The following PCDHGB5 variants were observed in gnomAD, a reference collection of about 807,000 sequenced individuals.
The protein encoded by PCDHGB5 is protocadherin gamma-B5.
In PCDHGB5, 48 loss-of-function variants were observed where a neutral mutation model predicts 62.9. The ratio of observed to expected loss-of-function variants is 0.76; its 90% CI spans 0.61 to 0.97. The LOEUF is 0.97. PCDHGB5 is among the 50% of genes least tolerant of loss of function. The probability of loss-of-function intolerance (pLI) is 0.00; values close to 1 mark genes in which losing one functional copy is unlikely to be tolerated. For missense variants in PCDHGB5, 1,118 were observed against 1,198.6 expected, an observed-to-expected ratio of 0.93 and a Z score of 0.99; for synonymous variants, 474 against 511.2, an observed-to-expected ratio of 0.93 and a Z score of 0.98.
chr5:141,430,919 C>T, intron 1 of PCDHGB5: 1 of 1,607,610 alleles, frequency 6.2e-7, no homozygotes, highest in Non-Finnish European at 8.5e-7. Context: ...GGACCTGGGG[C>T]TGGAGCCCCG....
rs1562142740 is a variant in PCDHGB5, at chr5:141,490,958, ACT to A, written c.2398-3847_2398-3846del. 1 of 1,613,728 alleles carries A rather than the reference ACT, an allele frequency of 6.2e-7. No homozygotes were observed. Among genetic ancestry groups the A allele is most frequent in the Non-Finnish European group, 8.5e-7 (1 of 1,179,830 alleles). On this transcript the variant is annotated intron_variant, in intron 1 of 3. Transcript: ENST00000617380. The surrounding 1 kb of genome is among the most constrained non-coding windows in gnomAD (Gnocchi z 5.4). Reference sequence around the variant, plus strand: ...CTGCACCCACGGCCAGACTGGGAACACTCAGCCCCCCAGCGTCTCCCTCGCTC... The same window carrying A: ...CTGCACCCACGGCCAGACTGGGAACACAGCCCCCCAGCGTCTCCCTCGCTC...
At position 141,476,242 on chromosome 5, in the gene PCDHGB5, G is replaced by A. The variant is rs369923405; in HGVS notation, c.2398-18565G>A. The A allele has an allele frequency of 6.2e-6, 10 of 1,614,100 alleles. No individual in the cohort carries two copies. The highest frequency in any genetic ancestry group is 8.5e-6 in the Non-Finnish European group (10 of 1,180,026). The stretch of plus-strand genomic sequence containing the variant: ...ACTATGAGATCCCGGAGGAAAGAGA[G>A]AAGGGTTTCGCTGTGGGCAACGTGG... On this transcript the variant is annotated intron_variant, in intron 1 of 3. Transcript: ENST00000617380. This position sits in a 1 kb window ranked among gnomAD's most constrained non-coding sequence, Gnocchi z 7.6.
rs2093990443 is a variant in PCDHGB5, at chr5:141,400,251, C to T, written c.2124C>T (p.Ala708=). ...TCCTGGCCGTGATTCTGGCCGTTGC[C>T]TTGCGCCTGCGACGCTCCTCCAGCC... ...LFLLAVILAV[A]LRLRRSSSPA... The change falls in exon 1 of 4, where the codon GCC becomes GCT. Residue 708 remains alanine, a synonymous_variant. Transcript: ENST00000617380. The T allele has an allele frequency of 6.2e-7, 1 of 1,614,014 alleles. No homozygotes were observed. Among genetic ancestry groups the T allele is most frequent in the Non-Finnish European group, 8.5e-7 (1 of 1,179,898 alleles).
At chr5:141,412,282 C>A (rs1017660848) in intron 1 of PCDHGB5, 1 of 152,186 alleles carries the variant, frequency 6.6e-6, no homozygotes, top group African/African-American at 2.4e-5. Flanking sequence ...ACTTCAAATT[C>A]TACGTATTTC....
chr5:141,490,421 C>T lies in PCDHGB5; in HGVS notation c.2398-4386C>T. On this transcript the variant is annotated intron_variant, in intron 1 of 3. Coordinates refer to ENST00000617380, the MANE Select transcript of PCDHGB5 (RefSeq NM_018925.3). The surrounding 1 kb of genome is among the most constrained non-coding windows in gnomAD (Gnocchi z 5.4). ...AGCCTTGATATCTCTCCGGACCTGCCATTTCAGATTAAGCCTTCTGAGAAC... is the reference window on the plus strand; with the variant it reads ...AGCCTTGATATCTCTCCGGACCTGCTATTTCAGATTAAGCCTTCTGAGAAC... 1 of 1,614,192 alleles carries T rather than the reference C, an allele frequency of 6.2e-7. No homozygotes were observed. The highest frequency in any genetic ancestry group is 8.5e-7 in the Non-Finnish European group (1 of 1,180,016).
chr5:141,490,200 A>G lies in PCDHGB5; in HGVS notation c.2398-4607A>G. 6.2e-6 allele frequency: 10 copies of G among 1,614,198 alleles called. No homozygotes were observed. The highest frequency in any genetic ancestry group is 8.5e-6 in the Non-Finnish European group (10 of 1,180,032). ...AGTCACGTTTCTATGAAATTCATGC[A>G]AGAGCCCGTGACCAGGGACAGCCTG... On this transcript the variant is annotated intron_variant, in intron 1 of 3. Coordinates refer to ENST00000617380, the MANE Select transcript of PCDHGB5 (RefSeq NM_018925.3). The surrounding 1 kb of genome is among the most constrained non-coding windows in gnomAD (Gnocchi z 5.4).
intron 1 of PCDHGB5, chr5:141,408,246 A>C: frequency 6.3e-7 from 1 of 1,590,754 alleles, no homozygotes; most frequent in Non-Finnish European, 8.6e-7. Flanking sequence ...GGCCCGCGGC[A>C]GGTGCTATTT....
chr5:141,450,832 T>A (rs192186566), intron 1 of PCDHGB5, among the ~76,000 whole-genome samples: 5,292 of 142,276 alleles, frequency 0.037, 115 homozygotes, highest in Middle Eastern at 0.096. Flanking sequence ...TATTATTATT[T>A]TTTTTTTTTT....
intron 1 of PCDHGB5, chr5:141,417,692 C>A: frequency 9.2e-7 from 1 of 1,089,116 alleles, no homozygotes; most frequent in Non-Finnish European, 1.3e-6. Context: ...AAAAGAAAAC[C>A]AGCTCCCACA....
At chr5:141,441,890 T>C (rs967557692) in intron 1 of PCDHGB5, 18 of 348,170 alleles carry the variant, frequency 5.2e-5, no homozygotes, top group Non-Finnish European at 7.2e-5. Flanking sequence ...GTCACCAAGG[T>C]GGTGGCTGTA....
In PCDHGB5 at chr5:141,431,584, G is replaced by C. The variant is rs201462681; in HGVS notation, c.2397+31060G>C. 5.0e-6 allele frequency: 8 copies of C among 1,614,192 alleles called. No individual in the cohort carries two copies. The Admixed American group carries it at 1.3e-4, about 27-fold the overall frequency. ...CCGACCCTGACGAAGGAGTCAATGC[G>C]GAAGTGAGGTATTCCTTCCGGTATG... On this transcript the variant is annotated intron_variant, in intron 1 of 3. Transcript: ENST00000617380. This position sits in a 1 kb window ranked among gnomAD's most constrained non-coding sequence, Gnocchi z 4.8.
rs1429603639 is a variant in PCDHGB5 at position 141,415,751 on chromosome 5, T to TTG, written c.2397+15228_2397+15229insGT. 7.1e-5 allele frequency: 95 copies of TTG among 1,328,716 alleles called. No homozygotes were observed. The African/African-American group carries it at 1.1e-3, about 15-fold the overall frequency. 82.3% of individuals were successfully genotyped at this position (1,328,716 alleles called of 1,614,324 possible). Reference sequence around the variant, plus strand: ...TGATGTTTATTAAGGTTTTTTTTTTTTTTTTTTTTTTTTTTTTTTTTACTT... The same window carrying TTG: ...TGATGTTTATTAAGGTTTTTTTTTTTTGTTTTTTTTTTTTTTTTTTTTTACTT... On this transcript the variant is annotated intron_variant, in intron 1 of 3. Coordinates refer to ENST00000617380, the MANE Select transcript of PCDHGB5 (RefSeq NM_018925.3).
intron 1 of PCDHGB5, chr5:141,412,443 T>C (rs1479281650): frequency 6.6e-6 from 1 of 152,204 alleles, no homozygotes; most frequent in Non-Finnish European, 1.5e-5. Context: ...TAATTAAGGC[T>C]CAGTAAAACT....
chr5:141,439,709 A>G (rs2098127560), intron 1 of PCDHGB5: 1 of 152,540 alleles, frequency 6.6e-6, no homozygotes, highest in African/African-American at 2.4e-5. Context: ...TATGGCTCCT[A>G]GTTCTACAAA....
At position 141,398,766 on chromosome 5, in the gene PCDHGB5, T is replaced by A. The variant is rs775055352; in HGVS notation, c.639T>A (p.Thr213=). Residue 213 remains threonine (T), a synonymous_variant, in exon 1 of 4, where the codon ACT becomes ACA. Coordinates refer to ENST00000617380, the MANE Select transcript of PCDHGB5 (RefSeq NM_018925.3). ...EQQSYHRLVL[T]ALDGGHPPLS... ...AGAGTTACCATCGTTTAGTCCTGACTGCCTTGGACGGTGGACATCCACCCC... is the reference window on the plus strand; with the variant it reads ...AGAGTTACCATCGTTTAGTCCTGACAGCCTTGGACGGTGGACATCCACCCC... 2.1e-5 allele frequency: 34 copies of A among 1,613,844 alleles called. 1 individual carries two copies. In the South Asian group the frequency reaches 3.1e-4, roughly 15 times the overall value.
chr5:141,484,695 G>A (rs1371166304), intron 1 of PCDHGB5, among the ~76,000 whole-genome samples: 3 of 151,920 alleles, frequency 2.0e-5, no homozygotes, highest in Non-Finnish European at 4.4e-5. Context: ...TCAGGCTGTG[G>A]CTGTTTTCCC....
At chr5:141,467,208 A>G (rs1272958649) in intron 1 of PCDHGB5, among the ~76,000 whole-genome samples, 1 of 152,064 alleles carries the variant, frequency 6.6e-6, no homozygotes, top group East Asian at 1.9e-4. Flanking sequence ...ACATGCCACC[A>G]TGCCTGGCTA....
At chr5:141,447,130 T>A (rs2098527397) in intron 1 of PCDHGB5, among the ~76,000 whole-genome samples, 1 of 152,146 alleles carries the variant, frequency 6.6e-6, no homozygotes, top group Admixed American at 6.6e-5. Context: ...TTTTTTTGTT[T>A]GTTTGTTTTT....
At chr5:141,417,915 C>T in intron 1 of PCDHGB5, 1 of 1,603,354 alleles carries the variant, frequency 6.2e-7, no homozygotes. Flanking sequence ...GTACTATTTC[C>T]TTTGCTGCTG....
Sources: allele counts gnomAD v4.1 joint callset (sites outside exome capture counted in the v4.1 genomes callset), GRCh38; gene constraint gnomAD v4.1.1; non-coding constraint Gnocchi (gnomAD v3.1); transcripts MANE v1.5; gene names NCBI Gene and HGNC (gene_info 2026-07-23, HGNC 2026-07-21).